The following CSMD1 variants were observed in gnomAD, a reference collection of about 807,000 sequenced individuals.
CSMD1 encodes CUB and sushi domain-containing protein 1.
Under a neutral mutation model 417.5 loss-of-function variants are expected in CSMD1, and 213 were observed. That is an observed-to-expected ratio of 0.51 (90% CI 0.46 to 0.57). CSMD1 has a LOEUF of 0.57. Among genes scored for constraint, CSMD1 ranks in the 20% least tolerant of loss-of-function variants. The pLI is 0.00. For synonymous variants in CSMD1, 2,862 were observed against 1,736.8 expected (o/e 1.65, Z -16.11); for missense variants, 6,923 against 4,529.7 (o/e 1.53, Z -15.17).
chr8:4,277,376 C>A (rs1177991845), intron 3 of CSMD1, among the ~76,000 whole-genome samples: 1 of 152,132 alleles, frequency 6.6e-6, no homozygotes, highest in Non-Finnish European at 1.5e-5. Flanking sequence ...ATCTCTGAAT[C>A]TGAAGGTGTC....
chr8:4,659,906 G>T (rs922634226), intron 1 of CSMD1, among the ~76,000 whole-genome samples: 1 of 151,958 alleles, frequency 6.6e-6, no homozygotes, highest in African/African-American at 2.4e-5. Context: ...AAAAATGCAT[G>T]TGACATAATT....
intron 5 of CSMD1, among the ~76,000 whole-genome samples, chr8:3,987,880 C>G (rs1237981340): frequency 6.6e-6 from 1 of 152,174 alleles, no homozygotes; most frequent in East Asian, 1.9e-4. Context: ...ATCTGTTTGG[C>G]ACATTGCAAC....
At chr8:3,558,292 TG>T (rs1799260358) in intron 10 of CSMD1, among the ~76,000 whole-genome samples, 1 of 149,736 alleles carries the variant, frequency 6.7e-6, no homozygotes, top group Non-Finnish European at 1.5e-5. Flanking sequence ...GGTGCCTCAA[TG>T]GAACTCCGTG....
intron 2 of CSMD1, among the ~76,000 whole-genome samples, chr8:4,500,157 A>C (rs1035618886): frequency 3.3e-5 from 5 of 152,080 alleles, no homozygotes; most frequent in Non-Finnish European, 7.4e-5. Context: ...ACGAGGTGAA[A>C]AGTATAAAGA....
intron 50 of CSMD1, 90 bp from the exon 51 acceptor site, chr8:3,029,603 G>C (rs1208761684): frequency 2.6e-6 from 3 of 1,138,056 alleles, no homozygotes; most frequent in Non-Finnish European, 3.7e-6. Flanking sequence ...CTTGCTATAT[G>C]AAACTGATCT....
intron 5 of CSMD1, among the ~76,000 whole-genome samples, chr8:3,885,941 A>T (rs563810116): frequency 2.0e-5 from 3 of 152,258 alleles, no homozygotes; most frequent in South Asian, 2.1e-4. Context: ...TTAAAAGTTG[A>T]TAAGTTATGG....
chr8:3,173,468 T>C (rs1207216710), intron 37 of CSMD1, among the ~76,000 whole-genome samples: 5 of 152,220 alleles, frequency 3.3e-5, no homozygotes, highest in Non-Finnish European at 5.9e-5. Context: ...AGGAATGCAT[T>C]GTTTGTGGCC....
chr8:3,392,055 A>G (rs1453827669), intron 17 of CSMD1, among the ~76,000 whole-genome samples: 2 of 141,856 alleles, frequency 1.4e-5, no homozygotes, highest in Admixed American at 7.4e-5. Flanking sequence ...GAATTGAACA[A>G]TGAGAACAAA....
chr8:3,819,187 C>T (rs762746794), intron 5 of CSMD1, among the ~76,000 whole-genome samples: 3 of 152,082 alleles, frequency 2.0e-5, no homozygotes, highest in Admixed American at 6.6e-5. Context: ...CACAGTGAAA[C>T]TCAATGTCTC....
chr8:2,989,796 A>C (rs561107410), intron 54 of CSMD1, among the ~76,000 whole-genome samples: 1 of 152,228 alleles, frequency 6.6e-6, no homozygotes, highest in Non-Finnish European at 1.5e-5. Context: ...AGTTCAGTTA[A>C]TCTCTCATTC....
chr8:4,101,803 A>G (rs909756363), intron 3 of CSMD1, among the ~76,000 whole-genome samples: 1 of 147,610 alleles, frequency 6.8e-6, no homozygotes, highest in African/African-American at 2.5e-5. Context: ...TGTGAGTTCA[A>G]AGTGAACGGA....
At chr8:4,601,675 C>T (rs1800592649) in intron 2 of CSMD1, among the ~76,000 whole-genome samples, 1 of 152,146 alleles carries the variant, frequency 6.6e-6, no homozygotes, top group African/African-American at 2.4e-5. Flanking sequence ...CTCCATACCC[C>T]TCATCATGCA....
At chr8:4,807,308 G>C (rs766575486) in intron 1 of CSMD1, among the ~76,000 whole-genome samples, 4 of 152,160 alleles carry the variant, frequency 2.6e-5, no homozygotes, top group African/African-American at 7.2e-5. Flanking sequence ...ACAGGCCTCG[G>C]CTAATTTCCA....
In CSMD1 at chr8:4,009,018, C is replaced by T. The variant is rs927357343; in HGVS notation, c.611-10908G>A. On this transcript the variant is annotated intron_variant, in intron 4 of 69. Coordinates refer to ENST00000635120, the MANE Select transcript of CSMD1 (RefSeq NM_033225.6). ...AGGTTTTGTGCCCATACCGAATTTC[C>T]ATCAGAGTAATTATTTTTAAAAATA... Among the ~76,000 whole-genome samples, 6 of 152,150 alleles carry T rather than the reference C, an allele frequency of 3.9e-5. No individual in the cohort carries two copies. The South Asian group carries it at 8.3e-4, about 21-fold the overall frequency.
chr8:4,528,505 G>T (rs543850865), intron 2 of CSMD1, among the ~76,000 whole-genome samples: 38 of 152,138 alleles, frequency 2.5e-4, no homozygotes, highest in Non-Finnish European at 5.0e-4. Context: ...GTGTAGCATG[G>T]CGCCTAGAGT....
intron 2 of CSMD1, among the ~76,000 whole-genome samples, chr8:4,606,752 T>A (rs1193695927): frequency 2.0e-5 from 3 of 152,220 alleles, no homozygotes; most frequent in Non-Finnish European, 4.4e-5. Flanking sequence ...AGACCTTTTA[T>A]GAAGGGATAG....
intron 1 of CSMD1, among the ~76,000 whole-genome samples, chr8:4,794,134 T>G (rs754679568): frequency 6.6e-6 from 1 of 152,202 alleles, no homozygotes; most frequent in African/African-American, 2.4e-5. Flanking sequence ...TAATGCTTTA[T>G]TCTCTAATAG....
intron 10 of CSMD1, among the ~76,000 whole-genome samples, chr8:3,558,022 A>T (rs1563151463): frequency 6.6e-6 from 1 of 151,852 alleles, no homozygotes; most frequent in Non-Finnish European, 1.5e-5. Flanking sequence ...CCAATGATGA[A>T]TGGTGCCTCA....
At chr8:4,352,440 A>G (rs926894272) in intron 3 of CSMD1, among the ~76,000 whole-genome samples, 1 of 152,238 alleles carries the variant, frequency 6.6e-6, no homozygotes, top group Non-Finnish European at 1.5e-5. Context: ...TCAACTCAAA[A>G]AAATCTTTAA....
Sources: gnomAD v4.1 joint callset for allele counts (sites outside exome capture counted in the v4.1 genomes callset) on GRCh38, gnomAD v4.1.1 for gene constraint, MANE v1.5 for transcripts, NCBI Gene and HGNC (gene_info 2026-07-23, HGNC 2026-07-21) for gene names.